Variants in NETO1 observed in about 807,000 individuals in gnomAD.
NETO1 encodes neuropilin and tolloid like 1, also known as neuropilin and tolloid-like protein 1.
NETO1 carries 26 observed loss-of-function variants against 61.3 expected under a neutral mutation model. That is an observed-to-expected ratio of 0.42 (90% confidence interval 0.31 to 0.59). NETO1 has a LOEUF of 0.59. Among genes scored for constraint, NETO1 ranks in the 20% least tolerant of loss-of-function variants. The pLI is 0.12. For missense variants in NETO1, 531 were observed against 662.8 expected (o/e 0.80, Z 2.18); for synonymous variants, 225 against 225.8 (o/e 1.00, Z 0.03).
intron 4 of NETO1, among the ~76,000 whole-genome samples, chr18:72,851,085 CA>C (rs926260763): frequency 6.6e-6 from 1 of 152,058 alleles, no homozygotes; most frequent in Non-Finnish European, 1.5e-5. Flanking sequence ...AGGAAAAACC[CA>C]AAGAAACCTG....
At chr18:72,759,331 TC>T (rs1256974671) in intron 7 of NETO1, among the ~76,000 whole-genome samples, 1 of 152,248 alleles carries the variant, frequency 6.6e-6, no homozygotes, top group African/African-American at 2.4e-5. Flanking sequence ...GTTCCTTAAG[TC>T]CTATTTCACA....
intron 7 of NETO1, among the ~76,000 whole-genome samples, chr18:72,758,697 A>G (rs2070870429): frequency 6.6e-6 from 1 of 152,000 alleles, no homozygotes; most frequent in Non-Finnish European, 1.5e-5. Flanking sequence ...TTAGCTGAGC[A>G]TGGTAGCACA....
chr18:72,767,983 T>C (rs1478564865), intron 7 of NETO1, among the ~76,000 whole-genome samples: 1 of 152,234 alleles, frequency 6.6e-6, no homozygotes, highest in Non-Finnish European at 1.5e-5. Flanking sequence ...CCTGTGATGT[T>C]TTCTCTGTTT....
Position 72,746,780 on chromosome 18 carries a change from T to C in NETO1, c.*1399A>G, listed in dbSNP as rs1476575964. On this transcript the variant is annotated 3_prime_UTR_variant, in exon 11 of 11. Transcript: ENST00000327305. ...TGTTGGGAAGCATATATACTGATAG[T>C]AATTCTTATTTTAAAAATTTATTTT... Among the ~76,000 whole-genome samples the C allele has an allele frequency of 6.6e-6, 1 of 152,040 alleles. No individual in the cohort carries two copies. The highest frequency in any genetic ancestry group is 2.4e-5 in the African/African-American group (1 of 41,452).
Position 72,748,363 on chromosome 18 carries a change from CAA to C in NETO1, c.*15-201_*15-200del, listed in dbSNP as rs543600256. 7.5e-5 allele frequency: 68 copies of C among 904,156 alleles called. 1 individual carries two copies. The South Asian group carries it at 3.1e-3, about 41-fold the overall frequency. 56.0% of individuals were successfully genotyped at this position (904,156 alleles called of 1,614,324 possible). A position where few individuals can be genotyped will look rare whatever the true frequency, so the allele number is the denominator to read the frequency against. Reference sequence around the variant, plus strand: ...TTAGGCTAATATAGATATAAACAATCAAGAGCAAAAAGTAAAGCCATTGTGAT... The same window carrying C: ...TTAGGCTAATATAGATATAAACAATCGAGCAAAAAGTAAAGCCATTGTGAT... On this transcript the variant is annotated intron_variant, in intron 10 of 10. Coordinates refer to ENST00000327305, the MANE Select transcript of NETO1 (RefSeq NM_138966.5).
chr18:72,812,396 A>C (rs2072897478), intron 4 of NETO1, among the ~76,000 whole-genome samples: 1 of 151,938 alleles, frequency 6.6e-6, no homozygotes, highest in Non-Finnish European at 1.5e-5. Context: ...CACGTCCAAA[A>C]TTTACACAGT....
In NETO1 at chr18:72,831,000, G is replaced by A. The variant is rs1162704743; in HGVS notation, c.469+27826C>T. Among the ~76,000 whole-genome samples, 3 of 152,074 alleles carry A rather than the reference G, an allele frequency of 2.0e-5. No homozygotes were observed. The highest frequency in any genetic ancestry group is 7.2e-5 in the African/African-American group (3 of 41,396). ...ATACTATTACCTCATCAAGGTAACA[G>A]AATATGTCTCTTCCTCTTGGTTTTC... On this transcript the variant is annotated intron_variant, in intron 4 of 10. Coordinates refer to ENST00000327305, the MANE Select transcript of NETO1 (RefSeq NM_138966.5). The surrounding 1 kb of genome is among the most constrained non-coding windows in gnomAD (Gnocchi z 4.9).
intron 4 of NETO1, among the ~76,000 whole-genome samples, chr18:72,810,399 G>A (rs146512750): frequency 1.6e-4 from 24 of 152,246 alleles, no homozygotes; most frequent in African/African-American, 5.3e-4. Context: ...TCCATCTTGG[G>A]GAATGTGAAG....
chr18:72,834,512 A>C (rs1439993525), intron 4 of NETO1: 1 of 963,448 alleles, frequency 1.0e-6, no homozygotes, highest in Non-Finnish European at 1.2e-6. Flanking sequence ...TTAATCAACT[A>C]TTCTGAATAT....
At chr18:72,865,085 T>A (rs1473264244) in intron 2 of NETO1, 103 bp downstream of exon 2, 3 of 1,393,404 alleles carry the variant, frequency 2.2e-6, no homozygotes, top group Non-Finnish European at 3.0e-6. Context: ...ATTATACATA[T>A]TATAACAGGT....
chr18:72,835,142 G>A, intron 4 of NETO1: 1 of 1,250,414 alleles, frequency 8.0e-7, no homozygotes, highest in Non-Finnish European at 1.0e-6. Context: ...TCTCCAGAAA[G>A]ATTGAGCAAA....
At chr18:72,811,214 T>C (rs961764728) in intron 4 of NETO1, among the ~76,000 whole-genome samples, 1 of 152,118 alleles carries the variant, frequency 6.6e-6, no homozygotes, top group Non-Finnish European at 1.5e-5. Flanking sequence ...TCTGAGTATC[T>C]CACTCTGTGC....
At chr18:72,743,056 T>C (rs980549721), downstream of NETO1, among the ~76,000 whole-genome samples, 2 of 152,230 alleles carry the variant, frequency 1.3e-5, no homozygotes, top group African/African-American at 4.8e-5. Flanking sequence ...CAAACATACC[T>C]GTCAGAGGCT....
chr18:72,753,643 T>C (rs2070695904), intron 8 of NETO1, among the ~76,000 whole-genome samples: 2 of 152,204 alleles, frequency 1.3e-5, no homozygotes, highest in Admixed American at 1.3e-4. Flanking sequence ...GTAAGGTCTG[T>C]AACAGTGAAT....
chr18:72,800,354 T>C (rs921325058), intron 4 of NETO1, among the ~76,000 whole-genome samples: 1 of 152,212 alleles, frequency 6.6e-6, no homozygotes, highest in Non-Finnish European at 1.5e-5. Context: ...CAGAATGCAC[T>C]GAAAAGCCTG....
At position 72,771,196 on chromosome 18, in the gene NETO1, G is replaced by T. The variant is rs748910640; in HGVS notation, c.868+12482C>A. The stretch of plus-strand genomic sequence containing the variant: ...TATGTGAACAAAAGGCAGATGGCAG[G>T]CTATATCTTGTTCTAGACAGGAAAA... On this transcript the variant is annotated intron_variant, in intron 7 of 10. Coordinates refer to ENST00000327305, the MANE Select transcript of NETO1 (RefSeq NM_138966.5). 7.9e-5 allele frequency among the ~76,000 whole-genome samples: 12 copies of T among 152,130 alleles called. No individual in the cohort carries two copies. The South Asian group carries it at 1.4e-3, about 18-fold the overall frequency.
intron 4 of NETO1, among the ~76,000 whole-genome samples, chr18:72,841,636 A>T (rs949929999): frequency 6.7e-6 from 1 of 149,268 alleles, no homozygotes; most frequent in African/African-American, 2.5e-5. Context: ...CAGGAGGCTG[A>T]GGCAAGAGAA....
rs8085896 is a variant in NETO1 at position 72,866,741 on chromosome 18, C to A, written c.28+523G>T. On this transcript the variant is annotated intron_variant, in intron 1 of 10. Transcript: ENST00000327305. ...CACCTCTACACTGCCCGCGTTACCA[C>A]ACACCCATAAAGCGACATCAGCGGT... is the stretch of plus-strand genomic sequence containing the variant. 7.6e-3 allele frequency: 7,552 copies of A among 988,812 alleles called. 409 individuals are homozygous for A. In the African/African-American group the frequency reaches 0.12, roughly 16 times the overall value. 61.3% of individuals were successfully genotyped at this position (988,812 alleles called of 1,614,324 possible).
intron 4 of NETO1, 124 bp downstream of exon 4, chr18:72,858,702 T>A: frequency 1.0e-6 from 1 of 987,700 alleles, no homozygotes; most frequent in Non-Finnish European, 1.4e-6. Flanking sequence ...CACTGTAGAT[T>A]TGGTTTTAAA....
Sources: allele counts gnomAD v4.1 joint callset (sites outside exome capture counted in the v4.1 genomes callset), GRCh38; gene constraint gnomAD v4.1.1; non-coding constraint Gnocchi (gnomAD v3.1); transcripts MANE v1.5; gene names NCBI Gene and HGNC (gene_info 2026-07-23, HGNC 2026-07-21).